The following C2CD4D variants were observed in gnomAD, a reference collection of about 807,000 sequenced individuals.
C2CD4D encodes the protein C2 calcium-dependent domain-containing protein 4D.
A neutral mutation model predicts 0.2 loss-of-function variants in C2CD4D; 1 was observed. The ratio of observed to expected loss-of-function variants is 4.00; its 90% confidence interval spans 1.42 to 18.99. The LOEUF (loss-of-function observed/expected upper bound fraction) is 18.99. C2CD4D is among the 30% of genes most tolerant of loss of function. C2CD4D has a pLI of 0.11. For synonymous variants in C2CD4D, 269 were observed against 279.8 expected (o/e 0.96, Z 0.39); for missense variants, 552 against 551.2 (o/e 1.00, Z -0.01).
At chr1:151,838,723 T>C in exon 2 of C2CD4D, 1 of 1,342,250 alleles carries the variant, frequency 7.5e-7, no homozygotes, top group Admixed American at 3.7e-5. Context: ...AGGCCCAGCC[T>C]TCGCGGCCCG....
At chr1:151,838,300 C>G (rs1189539007) in exon 2 of C2CD4D, 2 of 1,384,074 alleles carry the variant, frequency 1.4e-6, no homozygotes, top group Admixed American at 6.3e-5. Context: ...GCCGCCCGGG[C>G]CCGGCCTGAT....
At chr1:151,838,535 C>G in exon 2 of C2CD4D, 1 of 1,337,466 alleles carries the variant, frequency 7.5e-7, no homozygotes, top group Non-Finnish European at 9.5e-7. Context: ...CCGCGGGGAG[C>G]CGAAGGGCGA....
chr1:151,838,288 C>A (rs1193837446), exon 2 of C2CD4D: 2 of 1,326,284 alleles, frequency 1.5e-6, no homozygotes, highest in Non-Finnish European at 1.9e-6. Context: ...GGCGCAGCCG[C>A]AGCCGCCCGG....
At chr1:151,838,970 G>A in exon 2 of C2CD4D, 3 of 1,550,228 alleles carry the variant, frequency 1.9e-6, no homozygotes, top group Non-Finnish European at 2.6e-6. Flanking sequence ...CTTATAGCCA[G>A]CTTTTTCCAA....
At chr1:151,838,906 C>G (rs1251019305) in exon 2 of C2CD4D, 1 of 1,548,382 alleles carries the variant, frequency 6.5e-7, no homozygotes, top group Non-Finnish European at 8.7e-7. Context: ...GGGCGCGACG[C>G]TTGGAGAACA....
chr1:151,838,426 C>A (rs1006981953), exon 2 of C2CD4D: 3 of 1,423,994 alleles, frequency 2.1e-6, no homozygotes, highest in African/African-American at 3.0e-5. Context: ...GCGTGGGCGG[C>A]CCGGCGCGGC....
chr1:151,838,301 C>A, exon 2 of C2CD4D: 1 of 1,385,736 alleles, frequency 7.2e-7, no homozygotes, highest in Non-Finnish European at 9.4e-7. Flanking sequence ...CCGCCCGGGC[C>A]CGGCCTGATA....
exon 2 of C2CD4D, chr1:151,838,210 C>G: frequency 6.7e-7 from 1 of 1,488,004 alleles, no homozygotes; most frequent in Non-Finnish European, 9.0e-7. Flanking sequence ...GCCTCAGCAC[C>G]ACACAGCAGC....
At chr1:151,839,747 G>T (rs1307331728) in intron 1 of C2CD4D, among the ~76,000 whole-genome samples, 2 of 152,106 alleles carry the variant, frequency 1.3e-5, no homozygotes, top group Non-Finnish European at 2.9e-5. Flanking sequence ...ACCTCCCGGG[G>T]ACACAGAATC....
exon 2 of C2CD4D, chr1:151,837,858 G>C: frequency 7.0e-7 from 1 of 1,435,580 alleles, no homozygotes; most frequent in East Asian, 2.6e-5. Context: ...ATAAATACAA[G>C]CCGGGCAGGG....
At chr1:151,840,343 G>C (rs960652771) in exon 1 of C2CD4D, 3 of 152,436 alleles carry the variant, frequency 2.0e-5, no homozygotes, top group African/African-American at 7.2e-5. Flanking sequence ...GCTTAGGGGT[G>C]GGGGAGGGCT....
exon 2 of C2CD4D, chr1:151,838,309 A>G (rs989388934): frequency 2.3e-5 from 32 of 1,395,092 alleles, no homozygotes; most frequent in Non-Finnish European, 2.7e-5. Flanking sequence ...GCCCGGCCTG[A>G]TATTCGGTGG....
chr1:151,838,022 C>T, exon 2 of C2CD4D: 3 of 1,551,516 alleles, frequency 1.9e-6, no homozygotes, highest in Non-Finnish European at 2.6e-6. Flanking sequence ...CTCGCACTCC[C>T]CCAGCAGCAC....
At chr1:151,840,012 T>C (rs1485195749) in intron 1 of C2CD4D, among the ~76,000 whole-genome samples, 192 bp from the exon 1 acceptor site, 2 of 152,164 alleles carry the variant, frequency 1.3e-5, no homozygotes, top group African/African-American at 2.4e-5. Context: ...CCCTCTGCCC[T>C]GGGATCCGAG....
At chr1:151,838,575 C>T (rs1359877198) in exon 2 of C2CD4D, 6 of 1,315,770 alleles carry the variant, frequency 4.6e-6, no homozygotes, top group Non-Finnish European at 5.8e-6. Flanking sequence ...GTGTCGCTGT[C>T]GGGGGCCCGG....
chr1:151,838,639 T>C, exon 2 of C2CD4D: 1 of 1,319,170 alleles, frequency 7.6e-7, no homozygotes, highest in Non-Finnish European at 9.6e-7. Flanking sequence ...CCGCGGGGAG[T>C]CCCCCGGCCG....
At chr1:151,838,335 C>A (rs1357916978) in exon 2 of C2CD4D, 2 of 1,414,488 alleles carry the variant, frequency 1.4e-6, no homozygotes, top group African/African-American at 3.0e-5. Flanking sequence ...CGCAGCTGCC[C>A]GCCGCGGGGC....
chr1:151,838,662 G>A, exon 2 of C2CD4D: 2 of 1,365,942 alleles, frequency 1.5e-6, no homozygotes, highest in South Asian at 1.7e-5. Flanking sequence ...GCAGGTGGCG[G>A]CCCGTGGAAC....
exon 2 of C2CD4D, chr1:151,839,020 C>G (rs1204100046): frequency 6.5e-7 from 1 of 1,546,528 alleles, no homozygotes; most frequent in Non-Finnish European, 8.7e-7. Flanking sequence ...ATTCCGAATT[C>G]CGCAGGGCCG....
Sources: allele counts gnomAD v4.1 joint callset (sites outside exome capture counted in the v4.1 genomes callset), GRCh38; gene constraint gnomAD v4.1.1; transcripts MANE v1.5; gene names NCBI Gene and HGNC (gene_info 2026-07-23, HGNC 2026-07-21).